The following LRRFIP1 variants were observed in gnomAD, a reference collection of about 807,000 sequenced individuals.
LRRFIP1 encodes the protein leucine-rich repeat flightless-interacting protein 1.
A neutral mutation model predicts 104.4 loss-of-function variants in LRRFIP1; 62 were observed. The observed-to-expected ratio is 0.59, with a 90% CI of 0.48 to 0.73. The LOEUF (loss-of-function observed/expected upper bound fraction) is 0.73, where lower values mean the gene tolerates loss of function less well. Ranked by LOEUF, LRRFIP1 falls within the 30% of genes least tolerant of loss-of-function variation. The probability of loss-of-function intolerance (pLI) is 0.00; values close to 1 mark genes in which losing one functional copy is unlikely to be tolerated. For synonymous variants in LRRFIP1, 300 were observed against 299.0 expected (o/e 1.00, Z -0.03); for missense variants, 796 against 824.5 (o/e 0.97, Z 0.42).
rs6726878 is a variant in LRRFIP1 at position 237,661,170 on chromosome 2, C to T, written c.96+33430C>T. 0.13 allele frequency among the ~76,000 whole-genome samples: 20,496 copies of T among 152,224 alleles called. 1,878 individuals carry two copies. Among genetic ancestry groups the T allele is most frequent in the Non-Finnish European group, 0.21 (14,358 of 67,970 alleles). ...AAACAGGGAAGGATATCTGGGGCCA[C>T]GCAGGGAGACCCTGGGGGATCCTGG... On this transcript the variant is annotated intron_variant, in intron 1 of 23. Coordinates refer to ENST00000308482, the MANE Select transcript of LRRFIP1 (RefSeq NM_001137550.2). The surrounding 1 kb of genome is among the most constrained non-coding windows in gnomAD (Gnocchi z 4.4).
chr2:237,709,705 T>C (rs1311346630), intron 2 of LRRFIP1, among the ~76,000 whole-genome samples: 1 of 152,160 alleles, frequency 6.6e-6, no homozygotes, highest in Non-Finnish European at 1.5e-5. Flanking sequence ...TGCCGCTCCA[T>C]GTAGAAACCT....
At chr2:237,688,456 CTTTTTTTTTTTTTTTT>C in intron 1 of LRRFIP1, among the ~76,000 whole-genome samples, 1 of 90,170 alleles carries the variant, frequency 1.1e-5, no homozygotes, top group African/African-American at 3.9e-5. Context: ...TTTTTTTTTT[CTTTTTTTTTTTTTTTT>C]TGAGACAGAG....
intron 23 of LRRFIP1, among the ~76,000 whole-genome samples, chr2:237,777,468 C>T (rs2061184540): frequency 6.6e-6 from 1 of 152,134 alleles, no homozygotes; most frequent in African/African-American, 2.4e-5. Context: ...CAGTAGTATT[C>T]AGGGACATGC....
chr2:237,682,269 G>A (rs75475332), intron 1 of LRRFIP1, among the ~76,000 whole-genome samples: 1,819 of 152,266 alleles, frequency 0.012, 27 homozygotes, highest in East Asian at 0.047. Context: ...CCAGTGCAAC[G>A]GAACAAAGTA....
chr2:237,770,013 T>C, intron 20 of LRRFIP1, 21 bp downstream of exon 20: 1 of 1,590,872 alleles, frequency 6.3e-7, no homozygotes. Flanking sequence ...TTTTATTACT[T>C]TACCGGTTCA....
In LRRFIP1 at chr2:237,665,081, T is replaced by G. The variant is rs565069694; in HGVS notation, c.96+37341T>G. 5.9e-4 allele frequency among the ~76,000 whole-genome samples: 90 copies of G among 152,376 alleles called. 1 individual carries two copies. The highest frequency in any genetic ancestry group is 2.1e-3 in the African/African-American group (87 of 41,600). On this transcript the variant is annotated intron_variant, in intron 1 of 23. Transcript: ENST00000308482. ...GAATACTTATAATTTTACTTATTCA[T>G]GAAAGCATTTAAATAAGCTTCTTAC...
chr2:237,670,660 A>G (rs993832674), intron 1 of LRRFIP1, among the ~76,000 whole-genome samples: 1 of 152,176 alleles, frequency 6.6e-6, no homozygotes, highest in African/African-American at 2.4e-5. Flanking sequence ...GTGGCAGTCT[A>G]AGGAATGTCT....
At chr2:237,709,057 C>G (rs1424150143) in intron 2 of LRRFIP1, among the ~76,000 whole-genome samples, 1 of 152,102 alleles carries the variant, frequency 6.6e-6, no homozygotes, top group Non-Finnish European at 1.5e-5. Context: ...CAGTGTTGAT[C>G]ACACACGGGC....
At chr2:237,634,387 G>T (rs1417193982) in intron 1 of LRRFIP1, among the ~76,000 whole-genome samples, 1 of 152,184 alleles carries the variant, frequency 6.6e-6, no homozygotes, top group African/African-American at 2.4e-5. Flanking sequence ...GGGGCTAAAT[G>T]AATATTCACT....
At chr2:237,658,899 G>C (rs1441765049) in intron 1 of LRRFIP1, among the ~76,000 whole-genome samples, 1 of 151,900 alleles carries the variant, frequency 6.6e-6, no homozygotes, top group Non-Finnish European at 1.5e-5. Context: ...ATATCAGTGT[G>C]GTTAGCCTGA....
rs1348875482 is a variant in LRRFIP1, at chr2:237,763,047, A to G, written c.1459+2842A>G. On this transcript the variant is annotated intron_variant, in intron 19 of 23. Transcript: ENST00000308482. Reference sequence around the variant, plus strand: ...ACAGTGGCCTCGTGTCCTTTAGGGCATAGTGATGACACAGTTTATCATGAT... The same window carrying G: ...ACAGTGGCCTCGTGTCCTTTAGGGCGTAGTGATGACACAGTTTATCATGAT... 8.7e-6 allele frequency: 14 copies of G among 1,614,242 alleles called. No individual in the cohort carries two copies. The East Asian group carries it at 3.1e-4, about 36-fold the overall frequency.
chr2:237,768,639 T>C (rs769594189), intron 19 of LRRFIP1: 7 of 152,208 alleles, frequency 4.6e-5, no homozygotes, highest in Non-Finnish European at 8.8e-5. Context: ...TAAATTAAAA[T>C]AGAACTCAAA....
Position 237,781,445 on chromosome 2 carries a change from C to A in LRRFIP1, c.*1913C>A, listed in dbSNP as rs1419058007. Among the ~76,000 whole-genome samples the A allele has an allele frequency of 6.6e-6, 1 of 152,222 alleles. No individual in the cohort carries two copies. The highest frequency in any genetic ancestry group is 1.9e-4 in the East Asian group (1 of 5,174). On this transcript the variant is annotated 3_prime_UTR_variant, in exon 24 of 24. Coordinates refer to ENST00000308482, the MANE Select transcript of LRRFIP1 (RefSeq NM_001137550.2). The stretch of plus-strand genomic sequence containing the variant: ...AGAACAGGGCTGCAAGGCATCGATT[C>A]CCAGGTGTCTCACAGCCCTGAGAAG...
chr2:237,698,510 C>T (rs1485821150), intron 1 of LRRFIP1, among the ~76,000 whole-genome samples: 1 of 152,230 alleles, frequency 6.6e-6, no homozygotes, highest in Non-Finnish European at 1.5e-5. Flanking sequence ...CTGCCAGGTC[C>T]CCCGAGTGCA....
chr2:237,634,914 TG>T (rs1433723468), intron 1 of LRRFIP1, among the ~76,000 whole-genome samples: 9 of 152,228 alleles, frequency 5.9e-5, no homozygotes, highest in Non-Finnish European at 1.3e-4. Context: ...TATTCTCCCA[TG>T]GAAATCTACC....
intron 1 of LRRFIP1, among the ~76,000 whole-genome samples, chr2:237,629,467 CTTTTTTTT>C (rs745503726): frequency 6.0e-5 from 7 of 117,376 alleles, no homozygotes; most frequent in South Asian, 3.0e-4. Flanking sequence ...TTTCTTTCTT[CTTTTTTTT>C]TTTTTTTTTT....
chr2:237,681,678 CTT>C (rs1172576547), intron 1 of LRRFIP1, among the ~76,000 whole-genome samples: 3 of 44,894 alleles, frequency 6.7e-5, no homozygotes, highest in African/African-American at 7.4e-5. Flanking sequence ...CAGTCCTATT[CTT>C]TTTTTTTTTT....
chr2:237,630,160 A>G (rs2082150181), intron 1 of LRRFIP1, among the ~76,000 whole-genome samples: 2 of 152,330 alleles, frequency 1.3e-5, no homozygotes, highest in Admixed American at 1.3e-4. Flanking sequence ...AGTAGCACAG[A>G]TTGATAGGGT....
At chr2:237,631,155 G>C (rs887234594) in intron 1 of LRRFIP1, among the ~76,000 whole-genome samples, 1 of 152,248 alleles carries the variant, frequency 6.6e-6, no homozygotes, top group Non-Finnish European at 1.5e-5. Flanking sequence ...GGAAGTGGGA[G>C]GGAGTGGGCT....
Sources: gnomAD v4.1 joint callset for allele counts (sites outside exome capture counted in the v4.1 genomes callset) on GRCh38, gnomAD v4.1.1 for gene constraint, Gnocchi (gnomAD v3.1) non-coding constraint, MANE v1.5 for transcripts, NCBI Gene and HGNC (gene_info 2026-07-23, HGNC 2026-07-21) for gene names.